RNF130: variants seen among roughly 807,000 people sequenced by gnomAD.
RNF130 encodes ring finger protein 130.
RNF130 carries 21 observed loss-of-function variants against 44.6 expected under a neutral mutation model. That is an observed-to-expected ratio of 0.47 (90% CI 0.33 to 0.68). The LOEUF is 0.68. Ranked by LOEUF, RNF130 falls within the 30% of genes least tolerant of loss-of-function variation. RNF130 has a pLI of 0.02. For missense variants in RNF130, 479 were observed against 560.6 expected (o/e 0.85, Z 1.47); for synonymous variants, 214 against 210.4 (o/e 1.02, Z -0.15).
chr5:180,028,512 G>A (rs1405866840), intron 2 of RNF130, among the ~76,000 whole-genome samples: 1 of 151,880 alleles, frequency 6.6e-6, no homozygotes, highest in Non-Finnish European at 1.5e-5. Context: ...TCATTATGCA[G>A]GGCCTGGCAC....
chr5:179,948,445 G>A (rs1203202918), intron 7 of RNF130, among the ~76,000 whole-genome samples: 8 of 152,102 alleles, frequency 5.3e-5, no homozygotes, highest in Admixed American at 2.6e-4. Flanking sequence ...TGAGGCGAGC[G>A]GATCACCTGA....
intron 7 of RNF130, among the ~76,000 whole-genome samples, chr5:179,928,589 G>T (rs1761741592): frequency 6.6e-6 from 1 of 151,198 alleles, no homozygotes; most frequent in Admixed American, 6.6e-5. Flanking sequence ...GTTAAGCATT[G>T]CAGGTACCTT....
chr5:180,071,302 C>G (rs1765255211), intron 1 of RNF130, among the ~76,000 whole-genome samples, 154 bp downstream of exon 1: 3 of 152,246 alleles, frequency 2.0e-5, no homozygotes, highest in Admixed American at 2.0e-4. Flanking sequence ...CGGGAGCAGG[C>G]CGGGCTGTCC....
chr5:180,055,107 C>T (rs1764776275), intron 1 of RNF130, among the ~76,000 whole-genome samples: 1 of 151,802 alleles, frequency 6.6e-6, no homozygotes, highest in Admixed American at 6.6e-5. Context: ...CTTTGGGTGG[C>T]CAAGGCGGGC....
At chr5:179,956,616 C>T (rs1263774166) in intron 8 of RNF130, 1 of 152,784 alleles carries the variant, frequency 6.5e-6, no homozygotes, top group Non-Finnish European at 1.5e-5. Context: ...CCACACAACT[C>T]GCTGATCCTG....
intron 1 of RNF130, among the ~76,000 whole-genome samples, chr5:180,053,922 CA>C (rs1312508212): frequency 6.6e-6 from 1 of 151,582 alleles, no homozygotes; most frequent in Non-Finnish European, 1.5e-5. Flanking sequence ...CTCTGCCTCC[CA>C]GGTTCAAGCG....
At chr5:179,926,276 C>G (rs915477522) in intron 7 of RNF130, among the ~76,000 whole-genome samples, 7 of 152,028 alleles carry the variant, frequency 4.6e-5, no homozygotes, top group African/African-American at 1.7e-4. Context: ...CCATCATGGG[C>G]CACTGTTAAA....
chr5:180,011,621 G>A (rs534245288), intron 3 of RNF130, among the ~76,000 whole-genome samples: 1 of 152,180 alleles, frequency 6.6e-6, no homozygotes, highest in South Asian at 2.1e-4. Flanking sequence ...TAAAAAATTA[G>A]CCAGTCATGG....
chr5:180,032,020 C>G (rs1764140992), intron 2 of RNF130, among the ~76,000 whole-genome samples: 2 of 152,154 alleles, frequency 1.3e-5, no homozygotes, highest in African/African-American at 4.8e-5. Context: ...AATAAAATGT[C>G]TAATTATTAA....
intron 2 of RNF130, among the ~76,000 whole-genome samples, chr5:180,025,371 G>C (rs1193747648): frequency 6.6e-6 from 1 of 152,154 alleles, no homozygotes; most frequent in Non-Finnish European, 1.5e-5. Context: ...GAGAAGCACA[G>C]AAAAGACAAA....
chr5:180,018,267 C>T (rs1763786397), intron 2 of RNF130, among the ~76,000 whole-genome samples: 1 of 149,322 alleles, frequency 6.7e-6, no homozygotes, highest in South Asian at 2.1e-4. Context: ...TGCACTCCAG[C>T]CTGGGAAACA....
At chr5:179,915,360 A>C (rs2113665935) in exon 8 of RNF130, 1 of 152,452 alleles carries the variant, frequency 6.6e-6, no homozygotes, top group East Asian at 1.9e-4. Flanking sequence ...CAAAAAACCC[A>C]CAGCTTCGCA....
At chr5:180,014,520 T>G (rs181190929) in intron 2 of RNF130, among the ~76,000 whole-genome samples, 1 of 152,284 alleles carries the variant, frequency 6.6e-6, no homozygotes, top group East Asian at 1.9e-4. Flanking sequence ...TACATATCAA[T>G]GTAAACCAAC....
intron 7 of RNF130, among the ~76,000 whole-genome samples, chr5:179,935,514 A>ATG (rs1761876731): frequency 3.3e-5 from 4 of 120,432 alleles, no homozygotes; most frequent in African/African-American, 1.2e-4. Context: ...ATATGTCAGC[A>ATG]CGTGTGTGTG....
At chr5:179,936,748 G>A (rs1761895808) in intron 7 of RNF130, among the ~76,000 whole-genome samples, 1 of 152,208 alleles carries the variant, frequency 6.6e-6, no homozygotes, top group Non-Finnish European at 1.5e-5. Flanking sequence ...AAACAAGGCA[G>A]CATGGTACTG....
chr5:179,939,734 G>T, intron 7 of RNF130: 1 of 444,976 alleles, frequency 2.2e-6, no homozygotes, highest in South Asian at 1.8e-5. Context: ...GAAATCCACT[G>T]AAAGCGGAGA....
chr5:179,950,758 G>A (rs1343702642), downstream of RNF130, among the ~76,000 whole-genome samples: 7 of 152,126 alleles, frequency 4.6e-5, no homozygotes, highest in Non-Finnish European at 5.9e-5. Context: ...AATGTGAAAA[G>A]AAAGCACATT....
intron 1 of RNF130, among the ~76,000 whole-genome samples, chr5:180,060,884 A>G (rs1764966653): frequency 6.6e-6 from 1 of 152,012 alleles, no homozygotes; most frequent in Admixed American, 6.6e-5. Context: ...CCTGGCTAAC[A>G]CGGTGAAACC....
At chr5:179,976,495 G>A (rs1044527127) in intron 5 of RNF130, among the ~76,000 whole-genome samples, 1 of 152,158 alleles carries the variant, frequency 6.6e-6, no homozygotes, top group Non-Finnish European at 1.5e-5. Flanking sequence ...TTGCACTGGC[G>A]TGTGCATTTC....
Sources: gnomAD v4.1 joint callset for allele counts (sites outside exome capture counted in the v4.1 genomes callset) on GRCh38, gnomAD v4.1.1 for gene constraint, MANE v1.5 for transcripts, NCBI Gene and HGNC (gene_info 2026-07-23, HGNC 2026-07-21) for gene names.